The following ANOS1 variants were observed in gnomAD, a reference collection of about 807,000 sequenced individuals.
The protein encoded by ANOS1 is anosmin-1.
A neutral mutation model predicts 59.0 loss-of-function variants in ANOS1; 6 were observed. The observed-to-expected ratio is 0.10, with a 90% CI of 0.06 to 0.20. The LOEUF is 0.20. ANOS1 is among the 10% of genes least tolerant of loss of function. ANOS1 has a pLI of 1.00. For missense variants in ANOS1, 433 were observed against 542.3 expected (o/e 0.80, Z 2.00); for synonymous variants, 217 against 223.4 (o/e 0.97, Z 0.25).
chrX:8,545,079 A>AAAAAG (rs1336846572), intron 9 of ANOS1, among the ~76,000 whole-genome samples: 5 of 103,680 alleles, frequency 4.8e-5, no homozygotes, highest in Admixed American at 1.1e-4. Context: ...AAAAAAAAAA[A>AAAAAG]AAAAGAAAAG....
chrX:8,641,745 G>T (rs921394498), intron 2 of ANOS1, among the ~76,000 whole-genome samples: 23 of 112,175 alleles, frequency 2.1e-4, no homozygotes, highest in Admixed American at 3.8e-4. Context: ...TTAAAATTGT[G>T]TGGTGTTTAG....
chrX:8,607,358 G>T (rs1385483754), intron 3 of ANOS1, among the ~76,000 whole-genome samples: 1 of 111,952 alleles, frequency 8.9e-6, no homozygotes, highest in African/African-American at 3.2e-5. Context: ...ATTGGCCATG[G>T]AAAATATAAA....
At chrX:8,675,017 C>T (rs1483308183) in intron 2 of ANOS1, among the ~76,000 whole-genome samples, 2 of 111,734 alleles carry the variant, frequency 1.8e-5, no homozygotes, top group African/African-American at 6.5e-5. Context: ...TCCTCATTTC[C>T]ACAGCCCACT....
intron 3 of ANOS1, among the ~76,000 whole-genome samples, chrX:8,619,395 GGA>G (rs1181881205): frequency 9.0e-6 from 1 of 111,563 alleles, no homozygotes; most frequent in East Asian, 2.8e-4. Flanking sequence ...CACAAGGTCA[GGA>G]GATGGAGACC....
intron 3 of ANOS1, among the ~76,000 whole-genome samples, chrX:8,619,927 C>T (rs200626257): frequency 1.8e-5 from 2 of 111,711 alleles, no homozygotes; most frequent in Non-Finnish European, 3.8e-5. Context: ...TATGACTGTT[C>T]TTTGTTTTAT....
intron 4 of ANOS1, among the ~76,000 whole-genome samples, 153 bp from the exon 5 acceptor site, chrX:8,588,131 C>T (rs1419068353): frequency 8.9e-6 from 1 of 111,828 alleles, no homozygotes; most frequent in Non-Finnish European, 1.9e-5. Flanking sequence ...GGTTTCACAT[C>T]TGAAGTCTTC....
intron 2 of ANOS1, among the ~76,000 whole-genome samples, chrX:8,627,717 T>C (rs925553071): frequency 8.2e-5 from 9 of 110,021 alleles, no homozygotes; most frequent in South Asian, 3.9e-4. Flanking sequence ...TTCTTTATAA[T>C]ACTCTGGCCA....
intron 4 of ANOS1, among the ~76,000 whole-genome samples, chrX:8,595,630 A>AT (rs1056819524): frequency 1.8e-5 from 2 of 111,630 alleles, no homozygotes; most frequent in Admixed American, 9.5e-5. Context: ...CTTTATACAC[A>AT]TTTTTTTTAA....
chrX:8,594,668 A>G (rs1450693090), intron 4 of ANOS1, among the ~76,000 whole-genome samples: 21 of 27,995 alleles, frequency 7.5e-4, no homozygotes, highest in African/African-American at 1.9e-3. Context: ...GTATATATAT[A>G]TATATATATA....
At chrX:8,641,944 T>C (rs1372094207) in intron 2 of ANOS1, among the ~76,000 whole-genome samples, 1 of 111,633 alleles carries the variant, frequency 9.0e-6, no homozygotes, top group East Asian at 2.8e-4. Context: ...TTTATTTTAA[T>C]ATTGTAATGT....
intron 2 of ANOS1, among the ~76,000 whole-genome samples, chrX:8,680,407 AAT>A (rs1932407036): frequency 9.0e-6 from 1 of 110,973 alleles, no homozygotes; most frequent in Admixed American, 9.6e-5. Flanking sequence ...AGAAAGAAGT[AAT>A]AGTCATAAAA....
chrX:8,603,759 A>G lies in ANOS1; in HGVS notation c.319-6503T>C, dbSNP rs192065767. Among the ~76,000 whole-genome samples the G allele has an allele frequency of 9.8e-5, 11 of 112,567 alleles. No individual in the cohort carries two copies. In the East Asian group the frequency reaches 3.1e-3, roughly 31 times the overall value. ...GTTCAATTCAACAGACTTGTACCAT[A>G]CGTCAATTCTCTAGGATTATAATTG... On this transcript the variant is annotated intron_variant, in intron 3 of 13. Coordinates refer to ENST00000262648, the MANE Select transcript of ANOS1 (RefSeq NM_000216.4).
chrX:8,570,438 G>C, intron 7 of ANOS1, 61 bp downstream of exon 7: 2 of 1,011,686 alleles, frequency 2.0e-6, no homozygotes, highest in Admixed American at 4.6e-5. Flanking sequence ...TTTCAGGCCA[G>C]TTGCCTTGAG....
At chrX:8,625,819 A>G (rs965859606) in intron 2 of ANOS1, among the ~76,000 whole-genome samples, 1 of 111,309 alleles carries the variant, frequency 9.0e-6, no homozygotes, top group African/African-American at 3.3e-5. Context: ...AACTTTAAAA[A>G]GAACTGCCAT....
chrX:8,724,348 G>A (rs1312331828), intron 1 of ANOS1, among the ~76,000 whole-genome samples: 5 of 111,746 alleles, frequency 4.5e-5, no homozygotes, highest in Admixed American at 2.9e-4. Flanking sequence ...ATATTGGGGC[G>A]GAGAGAAAAG....
chrX:8,634,797 T>C (rs1569069528), intron 2 of ANOS1, among the ~76,000 whole-genome samples: 1 of 111,948 alleles, frequency 8.9e-6, no homozygotes, highest in Admixed American at 9.5e-5. Flanking sequence ...GATATAAATC[T>C]ATGGGCAGAG....
At chrX:8,536,070 G>C (rs776924952) in intron 11 of ANOS1, among the ~76,000 whole-genome samples, 2 of 110,064 alleles carry the variant, frequency 1.8e-5, no homozygotes, top group South Asian at 7.9e-4. Context: ...CTCTTTTGAA[G>C]ATGGAGGCAG....
chrX:8,676,198 GC>G (rs1396142306), intron 2 of ANOS1, among the ~76,000 whole-genome samples: 2 of 111,024 alleles, frequency 1.8e-5, no homozygotes, highest in African/African-American at 6.6e-5. Context: ...TGTAGGGCCA[GC>G]AAAAAACTAA....
In ANOS1 at chrX:8,623,463, T is replaced by C. The variant is rs1931332652; in HGVS notation, c.318+145A>G. ...TTAAGAAGGCTCTATATTTTTTACA[T>C]GAATTTACGTATATCCACACACACC... is the stretch of plus-strand genomic sequence containing the variant. On this transcript the variant is annotated intron_variant, in intron 3 of 13. Coordinates refer to ENST00000262648, the MANE Select transcript of ANOS1 (RefSeq NM_000216.4). 9.8e-6 allele frequency: 5 copies of C among 510,320 alleles called. No individual in the cohort carries two copies. The Admixed American group carries it at 1.5e-4, about 15-fold the overall frequency. The allele number at this position is 510,320 out of a possible 1,213,427, so 42.1% of individuals were successfully genotyped here. A position where few individuals can be genotyped will look rare whatever the true frequency, so the allele number is the denominator to read the frequency against.
Sources: allele counts gnomAD v4.1 joint callset (sites outside exome capture counted in the v4.1 genomes callset), GRCh38; gene constraint gnomAD v4.1.1; transcripts MANE v1.5; gene names NCBI Gene and HGNC (gene_info 2026-07-23, HGNC 2026-07-21).